IFT80: variants seen among roughly 807,000 people sequenced by gnomAD.
IFT80 encodes intraflagellar transport 80, also known as intraflagellar transport protein 80 homolog.
A neutral mutation model predicts 107.9 loss-of-function variants in IFT80; 79 were observed. The observed-to-expected ratio is 0.73, with a 90% CI of 0.61 to 0.88. The LOEUF is 0.88. Ranked by LOEUF, IFT80 falls within the 40% of genes least tolerant of loss-of-function variation. IFT80 has a pLI of 0.00. For synonymous variants in IFT80, 299 were observed against 300.9 expected, an observed-to-expected ratio of 0.99 and a Z score of 0.07; for missense variants, 797 against 914.2, an observed-to-expected ratio of 0.87 and a Z score of 1.65.
At chr3:160,301,108 A>G in intron 11 of IFT80, 62 bp from the exon 12 acceptor site, 1 of 1,394,756 alleles carries the variant, frequency 7.2e-7, no homozygotes. Flanking sequence ...TTGTTTTCAT[A>G]TTACAGAATA....
intron 12 of IFT80, among the ~76,000 whole-genome samples, chr3:160,286,186 C>G (rs1431160121): frequency 6.6e-6 from 1 of 152,172 alleles, no homozygotes; most frequent in Non-Finnish European, 1.5e-5. Flanking sequence ...ACTAATATAA[C>G]ACCATAGTGT....
chr3:160,358,092 C>T (rs1385357661), intron 6 of IFT80, among the ~76,000 whole-genome samples: 3 of 152,192 alleles, frequency 2.0e-5, no homozygotes, highest in Admixed American at 6.5e-5. Flanking sequence ...ACTGCAGTCT[C>T]GACCTCCCAC....
At chr3:160,304,239 G>T (rs986656277) in intron 10 of IFT80, among the ~76,000 whole-genome samples, 10 of 152,234 alleles carry the variant, frequency 6.6e-5, no homozygotes, top group Non-Finnish European at 1.3e-4. Context: ...TTTACTGTAG[G>T]TATTACAACA....
intron 1 of IFT80, among the ~76,000 whole-genome samples, chr3:160,389,481 T>A (rs1300654172): frequency 1.5e-5 from 1 of 66,412 alleles, no homozygotes; most frequent in Non-Finnish European, 2.7e-5. Context: ...CCCTCCCCCC[T>A]CCCCCCACCC....
chr3:160,316,056 T>C (rs946357034), intron 9 of IFT80, among the ~76,000 whole-genome samples: 2 of 152,144 alleles, frequency 1.3e-5, no homozygotes, highest in Non-Finnish European at 2.9e-5. Context: ...AGCTTGCTTC[T>C]AGTAAATAGA....
intron 5 of IFT80, 106 bp downstream of exon 5, chr3:160,375,706 C>A: frequency 1.3e-6 from 1 of 756,580 alleles, no homozygotes. Context: ...TGAACTCAAC[C>A]AAAGTCAGTC....
intron 6 of IFT80, among the ~76,000 whole-genome samples, chr3:160,361,844 A>G (rs939044029): frequency 1.3e-5 from 2 of 152,266 alleles, no homozygotes; most frequent in African/African-American, 4.8e-5. Flanking sequence ...CAAAGACACA[A>G]TGTACCAGAA....
chr3:160,358,804 AT>A (rs1431512983), intron 6 of IFT80, among the ~76,000 whole-genome samples: 1 of 152,194 alleles, frequency 6.6e-6, no homozygotes, highest in Non-Finnish European at 1.5e-5. Context: ...ACATATAATA[AT>A]TTTTATTTAT....
rs549160728 is a variant in IFT80 at position 160,257,648 on chromosome 3, T to G, written c.*877A>C. Reference sequence around the variant, plus strand: ...ATTTTAACCATTTTTATGGGTACAATTTAGTGGCATTAACATTCAAAATGT... The same window carrying G: ...ATTTTAACCATTTTTATGGGTACAAGTTAGTGGCATTAACATTCAAAATGT... On this transcript the variant is annotated 3_prime_UTR_variant, in exon 20 of 20. Coordinates refer to ENST00000326448, the MANE Select transcript of IFT80 (RefSeq NM_020800.3). The G allele has an allele frequency of 6.6e-6, 1 of 152,290 alleles. No homozygotes were observed. Among genetic ancestry groups the G allele is most frequent in the East Asian group, 1.9e-4 (1 of 5,188 alleles). The allele number at this position is 152,290 out of a possible 1,614,324, so 9.4% of individuals were successfully genotyped here.
At chr3:160,390,955 G>T (rs541947623) in intron 1 of IFT80, among the ~76,000 whole-genome samples, 7 of 152,302 alleles carry the variant, frequency 4.6e-5, no homozygotes, top group African/African-American at 1.7e-4. Flanking sequence ...CTATCAGTAT[G>T]CCATATCAGT....
At chr3:160,306,961 C>A (rs1026849833) in intron 10 of IFT80, among the ~76,000 whole-genome samples, 2 of 152,094 alleles carry the variant, frequency 1.3e-5, no homozygotes, top group Non-Finnish European at 2.9e-5. Context: ...AATGACTAAA[C>A]TATACATAAT....
intron 5 of IFT80, 131 bp downstream of exon 5, chr3:160,375,681 A>G: frequency 1.5e-6 from 1 of 660,750 alleles, no homozygotes; most frequent in East Asian, 2.8e-5. Context: ...TGTAAAATAT[A>G]AGAGATTACT....
chr3:160,329,744 G>T (rs1718948397), intron 8 of IFT80, among the ~76,000 whole-genome samples: 1 of 152,050 alleles, frequency 6.6e-6, no homozygotes, highest in South Asian at 2.1e-4. Context: ...AAAATACACA[G>T]GTTTCCCTGT....
At chr3:160,285,278 C>T (rs1355499342) in intron 13 of IFT80, among the ~76,000 whole-genome samples, 1 of 151,938 alleles carries the variant, frequency 6.6e-6, no homozygotes, top group African/African-American at 2.4e-5. Context: ...GTCTTTAGAC[C>T]CTAATATATC....
intron 2 of IFT80, 42 bp downstream of exon 2, chr3:160,384,522 A>G: frequency 7.1e-7 from 1 of 1,412,102 alleles, no homozygotes; most frequent in Non-Finnish European, 9.7e-7. Flanking sequence ...CAATACTATA[A>G]TTAAGAAAAT....
intron 9 of IFT80, among the ~76,000 whole-genome samples, chr3:160,311,189 ATCAG>A (rs1308722836): frequency 6.6e-6 from 1 of 152,226 alleles, no homozygotes; most frequent in Non-Finnish European, 1.5e-5. Flanking sequence ...CAAAGATGGA[ATCAG>A]TCAAATACAG....
chr3:160,359,938 A>G (rs1180227622), intron 6 of IFT80, among the ~76,000 whole-genome samples: 1 of 152,036 alleles, frequency 6.6e-6, no homozygotes, highest in Non-Finnish European at 1.5e-5. Flanking sequence ...AAACCAGAAC[A>G]CCCCTTCTCC....
rs112020145 is a variant in IFT80, at chr3:160,301,146, T to C, written c.1152-100A>G. 2.7e-6 allele frequency: 3 copies of C among 1,122,112 alleles called. No homozygotes were observed. The South Asian group carries it at 5.0e-5, about 19-fold the overall frequency. 69.5% of individuals were successfully genotyped at this position (1,122,112 alleles called of 1,614,324 possible). A position where few individuals can be genotyped will look rare whatever the true frequency, so the allele number is the denominator to read the frequency against. ...TTATCCTTGGGAAAAAAAATCTAAA[T>C]CTTACAATTAATGTAAATGTGTAGA... On this transcript the variant is annotated intron_variant, in intron 11 of 19. Transcript: ENST00000326448.
Position 160,277,598 on chromosome 3 carries a change from A to G in IFT80, c.1909T>C (p.Tyr637His). 6.2e-7 allele frequency: 1 copy of G among 1,613,096 alleles called. No individual in the cohort carries two copies. The highest frequency in any genetic ancestry group is 8.5e-7 in the Non-Finnish European group (1 of 1,179,166). Residue 637 changes from tyrosine (Y) to histidine (H), a missense_variant, in exon 17 of 20, where the codon TAT (tyrosine) becomes CAT (histidine). Physicochemically the swap from Tyr to His is moderately conservative, Grantham distance 83 (BLOSUM62 2). Transcript: ENST00000326448. ...NRDMTTAEIA[Y>H]AAIGEIDKVQ... ...TTACTTACTTCACCAATTGCTGCAT[A>G]GGCTATTTCTGCAGTAGTCATATCT... is the stretch of plus-strand genomic sequence containing the variant.
Sources: gnomAD v4.1 joint callset for allele counts (sites outside exome capture counted in the v4.1 genomes callset) on GRCh38, gnomAD v4.1.1 for gene constraint, MANE v1.5 for transcripts, NCBI Gene and HGNC (gene_info 2026-07-23, HGNC 2026-07-21) for gene names.